The following IQGAP1 variants were observed in gnomAD, a reference collection of about 807,000 sequenced individuals.
The protein encoded by IQGAP1 is IQ motif containing GTPase activating protein 1.
In IQGAP1, 66 loss-of-function variants were observed where a neutral mutation model predicts 215.6. The observed-to-expected ratio is 0.31, with a 90% CI of 0.25 to 0.38. IQGAP1 has a LOEUF of 0.38. IQGAP1 is among the 10% of genes least tolerant of loss of function. The pLI, the probability that IQGAP1 is intolerant of heterozygous loss-of-function variation, is 1.00. For synonymous variants in IQGAP1, 772 were observed against 728.7 expected (o/e 1.06, Z -0.96); for missense variants, 1,712 against 1,997.1 (o/e 0.86, Z 2.72).
intron 4 of IQGAP1, among the ~76,000 whole-genome samples, chr15:90,431,859 G>A (rs1187390529): frequency 6.6e-6 from 1 of 152,086 alleles, no homozygotes; most frequent in Non-Finnish European, 1.5e-5. Flanking sequence ...GAAAATTCAT[G>A]CAGTCATTTT....
At chr15:90,451,527 T>C (rs1331381986) in intron 11 of IQGAP1, among the ~76,000 whole-genome samples, 1 of 152,158 alleles carries the variant, frequency 6.6e-6, no homozygotes, top group Non-Finnish European at 1.5e-5. Context: ...ACCATGAGAA[T>C]GGCACAAAGC....
intron 34 of IQGAP1, 36 bp from the exon 35 acceptor site, chr15:90,492,509 G>C (rs202022171): frequency 2.0e-6 from 3 of 1,524,268 alleles, no homozygotes; most frequent in Non-Finnish European, 2.7e-6. Context: ...AATGATAACT[G>C]TCGTTATTTT....
intron 13 of IQGAP1, among the ~76,000 whole-genome samples, chr15:90,453,593 C>T (rs1333651797): frequency 6.6e-6 from 1 of 152,136 alleles, no homozygotes; most frequent in Non-Finnish European, 1.5e-5. Context: ...TTCATTTGTT[C>T]CCAAACTGTC....
intron 15 of IQGAP1, among the ~76,000 whole-genome samples, chr15:90,462,757 C>T (rs189991800): frequency 3.4e-4 from 52 of 152,300 alleles, no homozygotes; most frequent in Admixed American, 3.1e-3. Context: ...TCATTGCCCA[C>T]TCTTTTTTTA....
chr15:90,483,157 T>C (rs541532375), intron 28 of IQGAP1: 137 of 528,840 alleles, frequency 2.6e-4, no homozygotes, highest in African/African-American at 2.4e-3. Flanking sequence ...ATTGTTTTCC[T>C]GTATTGAACA....
chr15:90,474,606 C>T lies in IQGAP1; in HGVS notation c.2697C>T (p.Leu899=), dbSNP rs761596540. The part of the protein sequence containing the change: ...LMKMREEVIT[L]IRSNQQLEND... ...AGATGCGGGAAGAGGTTATCACCCT[C>T]ATTCGTTCTAACCAGCAGCTGGAGA... Residue 899 remains leucine, a synonymous_variant, in exon 23 of 38, where the codon CTC becomes CTT. Transcript: ENST00000268182. The T allele has an allele frequency of 4.3e-6, 7 of 1,613,696 alleles. No individual in the cohort carries two copies. Among genetic ancestry groups the T allele is most frequent in the African/African-American group, 2.7e-5 (2 of 74,918 alleles).
chr15:90,465,374 T>TAA (rs1965816206), intron 15 of IQGAP1, among the ~76,000 whole-genome samples: 1 of 152,222 alleles, frequency 6.6e-6, no homozygotes, highest in South Asian at 2.1e-4. Context: ...GTCACCCTGT[T>TAA]AAAGTCTCTG....
Position 90,433,700 on chromosome 15 carries a change from T to A in IQGAP1, c.391-19T>A. ...ACAGTGAATGGATATCTTACTCTGTTTCTTTTATTTCTCCCTAGATTTTTT... is the reference window on the plus strand; with the variant it reads ...ACAGTGAATGGATATCTTACTCTGTATCTTTTATTTCTCCCTAGATTTTTT... On this transcript the variant is annotated intron_variant, in intron 4 of 37. Coordinates refer to ENST00000268182, the MANE Select transcript of IQGAP1 (RefSeq NM_003870.4). 6.9e-7 allele frequency: 1 copy of A among 1,457,548 alleles called. No individual in the cohort carries two copies. The highest frequency in any genetic ancestry group is 9.6e-7 in the Non-Finnish European group (1 of 1,044,388). The allele number at this position is 1,457,548 out of a possible 1,614,324, so 90.3% of individuals were successfully genotyped here. A position where few individuals can be genotyped will look rare whatever the true frequency, so the allele number is the denominator to read the frequency against.
At chr15:90,427,218 C>T (rs576792286) in intron 3 of IQGAP1, among the ~76,000 whole-genome samples, 25 of 151,874 alleles carry the variant, frequency 1.6e-4, no homozygotes, top group African/African-American at 5.6e-4. Context: ...GTTAGTATTG[C>T]GCCACTGCAC....
intron 2 of IQGAP1, among the ~76,000 whole-genome samples, chr15:90,418,715 G>A (rs1276479974): frequency 6.6e-6 from 1 of 152,204 alleles, no homozygotes; most frequent in Non-Finnish European, 1.5e-5. Context: ...TAGAAGTAAG[G>A]GTTGTTAATG....
At chr15:90,400,270 C>T (rs995513980) in intron 2 of IQGAP1, among the ~76,000 whole-genome samples, 8 of 152,116 alleles carry the variant, frequency 5.3e-5, no homozygotes, top group Non-Finnish European at 4.4e-5. Context: ...GTTAAATAAG[C>T]GTTCTAGGTA....
At chr15:90,432,385 C>T (rs2151016166) in intron 4 of IQGAP1, among the ~76,000 whole-genome samples, 1 of 152,262 alleles carries the variant, frequency 6.6e-6, no homozygotes, top group Middle Eastern at 3.4e-3. Context: ...AGCATACCTC[C>T]CCAGCTCCCA....
chr15:90,497,256 C>T lies in IQGAP1; in HGVS notation c.4776C>T (p.Ile1592=), dbSNP rs762185296. The change falls in exon 37 of 38, where the codon ATC becomes ATT. Residue 1592 remains isoleucine, a synonymous_variant. Coordinates refer to ENST00000268182, the MANE Select transcript of IQGAP1 (RefSeq NM_003870.4). The part of the protein sequence containing the change: ...VNQFKNVIFE[I]SPTEEVGDFE... The stretch of plus-strand genomic sequence containing the variant: ...GGTTTAAAAATGTTATATTTGAAAT[C>T]AGTCCAACAGAAGAAGTTGGAGACT... 1.3e-5 allele frequency: 21 copies of T among 1,597,632 alleles called. No homozygotes were observed. Among genetic ancestry groups the T allele is most frequent in the Non-Finnish European group, 1.7e-5 (20 of 1,165,668 alleles).
intron 2 of IQGAP1, among the ~76,000 whole-genome samples, chr15:90,422,642 A>G (rs1965159552): frequency 1.5e-5 from 1 of 66,724 alleles, no homozygotes; most frequent in South Asian, 6.8e-4. Flanking sequence ...ATATATATGT[A>G]TATGTATATA....
At chr15:90,495,773 G>C (rs1966264149) in intron 36 of IQGAP1, among the ~76,000 whole-genome samples, 1 of 149,656 alleles carries the variant, frequency 6.7e-6, no homozygotes, top group Non-Finnish European at 1.5e-5. Context: ...AATTAGGTGG[G>C]ACTACAGGCA....
In IQGAP1 at chr15:90,491,555, T is replaced by G; in HGVS notation, c.4461+10T>G. ...CAACGACATTGCCAGGGTACTGCAT[T>G]CGGGGGACAGAGGGGACCCGGCCTT... On this transcript the variant is annotated intron_variant, in intron 34 of 37. Coordinates refer to ENST00000268182, the MANE Select transcript of IQGAP1 (RefSeq NM_003870.4). The G allele has an allele frequency of 6.2e-7, 1 of 1,611,722 alleles. No individual in the cohort carries two copies. Among genetic ancestry groups the G allele is most frequent in the South Asian group, 1.1e-5 (1 of 91,004 alleles).
At chr15:90,474,921 T>G in intron 23 of IQGAP1, 5 of 452,440 alleles carry the variant, frequency 1.1e-5, no homozygotes, top group Non-Finnish European at 1.6e-5. Context: ...GCAATTCTCC[T>G]CCCTCAACCT....
chr15:90,486,172 G>A, intron 31 of IQGAP1, 40 bp downstream of exon 31: 1 of 1,433,298 alleles, frequency 7.0e-7, no homozygotes, highest in South Asian at 1.2e-5. Context: ...AAAAGGGAAT[G>A]TGACAGAAAA....
rs764971150 is a variant in IQGAP1, at chr15:90,397,185, G to A, written c.155+6312G>A. On this transcript the variant is annotated intron_variant, in intron 2 of 37. Transcript: ENST00000268182. ...AATTTAAAATTAAGAAATGTAAAGA[G>A]TTGAACTAGTTAGTACCCATTATTA... Among the ~76,000 whole-genome samples the A allele has an allele frequency of 1.6e-4, 25 of 152,168 alleles. 1 individual carries two copies. The highest frequency in any genetic ancestry group is 7.9e-4 in the Admixed American group (12 of 15,270).
Sources: gnomAD v4.1 joint callset for allele counts (sites outside exome capture counted in the v4.1 genomes callset) on GRCh38, gnomAD v4.1.1 for gene constraint, MANE v1.5 for transcripts, NCBI Gene and HGNC (gene_info 2026-07-23, HGNC 2026-07-21) for gene names.